The following PPP2R3A variants were observed in gnomAD, a reference collection of about 807,000 sequenced individuals.
PPP2R3A encodes serine/threonine-protein phosphatase 2A regulatory subunit B'' subunit alpha.
A neutral mutation model predicts 106.9 loss-of-function variants in PPP2R3A; 80 were observed. That is an observed-to-expected ratio of 0.75 (90% confidence interval 0.62 to 0.90). The LOEUF (loss-of-function observed/expected upper bound fraction) is 0.90, where lower values mean the gene tolerates loss of function less well. Among genes scored for constraint, PPP2R3A ranks in the 40% least tolerant of loss-of-function variants. The probability of loss-of-function intolerance (pLI) is 0.00; values close to 1 mark genes in which losing one functional copy is unlikely to be tolerated. For synonymous variants in PPP2R3A, 483 were observed against 468.3 expected (o/e 1.03, Z -0.41); for missense variants, 1,386 against 1,350.4 (o/e 1.03, Z -0.41).
intron 1 of PPP2R3A, among the ~76,000 whole-genome samples, chr3:135,969,568 A>G (rs1361280234): frequency 6.6e-6 from 1 of 152,222 alleles, no homozygotes; most frequent in African/African-American, 2.4e-5. Flanking sequence ...GCATTTGACA[A>G]TTCTAATTCA....
intron 1 of PPP2R3A, among the ~76,000 whole-genome samples, chr3:135,977,275 T>C (rs1937443064): frequency 6.6e-6 from 1 of 152,212 alleles, no homozygotes; most frequent in African/African-American, 2.4e-5. Context: ...TTCTAATTGA[T>C]GTGAAATTTT....
chr3:135,972,704 A>G (rs1409560763), intron 1 of PPP2R3A, among the ~76,000 whole-genome samples: 2 of 152,156 alleles, frequency 1.3e-5, no homozygotes, highest in Non-Finnish European at 2.9e-5. Context: ...TTCCCTAATG[A>G]CTACTGACGT....
chr3:135,983,741 A>C (rs1937569362), intron 1 of PPP2R3A, among the ~76,000 whole-genome samples: 1 of 152,136 alleles, frequency 6.6e-6, no homozygotes, highest in Non-Finnish European at 1.5e-5. Flanking sequence ...TTTTGTATGT[A>C]ATTCTATTTC....
intron 8 of PPP2R3A, chr3:136,087,638 G>T (rs1936988011): frequency 5.7e-6 from 2 of 349,906 alleles, no homozygotes; most frequent in African/African-American, 2.1e-5. Context: ...TAGCTGTCAG[G>T]ATGTTCAGAC....
chr3:136,114,875 C>G (rs932048098), intron 13 of PPP2R3A, among the ~76,000 whole-genome samples: 1 of 152,148 alleles, frequency 6.6e-6, no homozygotes. Context: ...CTTAAACATC[C>G]CTGCCTGATG....
chr3:136,002,229 A>G lies in PPP2R3A; in HGVS notation c.731A>G (p.Lys244Arg). The change falls in exon 2 of 14, where the codon AAA (lysine) becomes AGA (arginine). Residue 244 changes from lysine (K) to arginine (R), a missense_variant. Lys to Arg is a conservative substitution (Grantham distance 26, BLOSUM62 2). Transcript: ENST00000264977. ...TTATTGAAATGCTCCGAGGATTTAA[A>G]AAAATGCACAGACATCATAAAACAA... is the stretch of plus-strand genomic sequence containing the variant. ...DILLKCSEDLKKCTDIIKQCI... is the reference protein window; with the variant it reads ...DILLKCSEDLRKCTDIIKQCI... 6.2e-7 allele frequency: 1 copy of G among 1,613,760 alleles called. No individual in the cohort carries two copies. Among genetic ancestry groups the G allele is most frequent in the Non-Finnish European group, 8.5e-7 (1 of 1,179,902 alleles).
intron 5 of PPP2R3A, among the ~76,000 whole-genome samples, chr3:136,058,338 A>T (rs1935949535): frequency 6.6e-6 from 1 of 152,204 alleles, no homozygotes; most frequent in African/African-American, 2.4e-5. Flanking sequence ...ATACAAAATC[A>T]GTGTGTAGAA....
chr3:136,086,744 T>C (rs80002255), intron 8 of PPP2R3A, among the ~76,000 whole-genome samples: 2 of 152,198 alleles, frequency 1.3e-5, no homozygotes, highest in African/African-American at 4.8e-5. Context: ...GGCACGGCTG[T>C]TCCAATACAC....
Position 136,145,320 on chromosome 3 carries a change from G to C in PPP2R3A, c.*154G>C, listed in dbSNP as rs1939075735. On this transcript the variant is annotated 3_prime_UTR_variant, in exon 14 of 14. Transcript: ENST00000264977. ...ACTTTGTTTTTAAGCAATAGGTCTGGATACACATTTAACTTAGGAGGCTCC... is the reference window on the plus strand; with the variant it reads ...ACTTTGTTTTTAAGCAATAGGTCTGCATACACATTTAACTTAGGAGGCTCC... The C allele has an allele frequency of 1.0e-6, 1 of 968,252 alleles. No homozygotes were observed. The highest frequency in any genetic ancestry group is 1.7e-5 in the African/African-American group (1 of 59,134). 60.0% of individuals were successfully genotyped at this position (968,252 alleles called of 1,614,324 possible).
At chr3:136,111,225 G>A (rs1937586597) in intron 13 of PPP2R3A, among the ~76,000 whole-genome samples, 1 of 152,044 alleles carries the variant, frequency 6.6e-6, no homozygotes, top group African/African-American at 2.4e-5. Context: ...ATATAAGAGA[G>A]AAAAAGGAAT....
At chr3:136,005,680 T>C (rs1465865031) in intron 2 of PPP2R3A, among the ~76,000 whole-genome samples, 1 of 152,164 alleles carries the variant, frequency 6.6e-6, no homozygotes, top group Non-Finnish European at 1.5e-5. Flanking sequence ...ACTGATGTGC[T>C]TAATAGTTTA....
At position 136,078,444 on chromosome 3, in the gene PPP2R3A, CT is replaced by C; in HGVS notation, c.2627del (p.Leu876CysfsTer4). On this transcript the variant is annotated frameshift_variant, in exon 7 of 14. Coordinates refer to ENST00000264977, the MANE Select transcript of PPP2R3A (RefSeq NM_002718.5). LOFTEE classifies it high-confidence loss of function. ...CTTCGACAGAGATAAGAAAAAGCAA[CT>C]TTTTGCAAGTATGCCTTTCATTAGA... ...ITSTEIRKSN[F>X]LQTLALLEEE... 6.3e-7 allele frequency: 1 copy of C among 1,592,994 alleles called. No individual in the cohort carries two copies. The highest frequency in any genetic ancestry group is 8.6e-7 in the Non-Finnish European group (1 of 1,162,010).
chr3:136,146,884 CT>C lies in PPP2R3A; in HGVS notation c.*1722del, dbSNP rs1171629617. 6 of 150,604 alleles carry C rather than the reference CT, an allele frequency of 4.0e-5. No individual in the cohort carries two copies. The highest frequency in any genetic ancestry group is 1.5e-4 in the African/African-American group (6 of 40,976). The allele number at this position is 150,604 out of a possible 1,614,324, so 9.3% of individuals were successfully genotyped here. A position where few individuals can be genotyped will look rare whatever the true frequency, so the allele number is the denominator to read the frequency against. ...TAGAAATACAAAAAAAAAAAAAATA[CT>C]TTTCTTAGAAGCCAGATATGGTTTA... is the stretch of plus-strand genomic sequence containing the variant. On this transcript the variant is annotated 3_prime_UTR_variant, in exon 14 of 14. Coordinates refer to ENST00000264977, the MANE Select transcript of PPP2R3A (RefSeq NM_002718.5).
chr3:136,021,117 T>C (rs1196494356), intron 2 of PPP2R3A, among the ~76,000 whole-genome samples: 1 of 152,034 alleles, frequency 6.6e-6, no homozygotes. Flanking sequence ...AGAATAAGCA[T>C]TAAATTGTAA....
At chr3:136,069,893 A>G (rs1160537623) in intron 5 of PPP2R3A, among the ~76,000 whole-genome samples, 1 of 152,262 alleles carries the variant, frequency 6.6e-6, no homozygotes, top group Non-Finnish European at 1.5e-5. Flanking sequence ...GTCTTCAATG[A>G]GAACAAGATT....
rs1252827238 is a variant in PPP2R3A at position 136,070,494 on chromosome 3, A to C, written c.2486A>C (p.His829Pro). Residue 829 changes from histidine to proline, a missense_variant, in exon 6 of 14, where the codon CAC becomes CCC. Transcript: ENST00000264977. ...CTTTTTCAGGATGTGGTGGATACCCACCCTGGTCTCACGTTCCTGAAAGAT... is the reference window on the plus strand; with the variant it reads ...CTTTTTCAGGATGTGGTGGATACCCCCCCTGGTCTCACGTTCCTGAAAGAT... ...IPLLQDVVDTHPGLTFLKDAP... is the reference protein window; with the variant it reads ...IPLLQDVVDTPPGLTFLKDAP... The C allele has an allele frequency of 5.6e-6, 9 of 1,608,378 alleles. No individual in the cohort carries two copies. Among genetic ancestry groups the C allele is most frequent in the African/African-American group, 1.3e-5 (1 of 74,608 alleles).
intron 6 of PPP2R3A, among the ~76,000 whole-genome samples, chr3:136,073,486 T>G (rs897042607): frequency 2.6e-5 from 4 of 152,254 alleles, no homozygotes; most frequent in Admixed American, 1.3e-4. Context: ...GTTATTAACA[T>G]TGTGCTGCTT....
intron 5 of PPP2R3A, among the ~76,000 whole-genome samples, chr3:136,060,560 T>A (rs534390003): frequency 6.6e-6 from 1 of 152,224 alleles, no homozygotes; most frequent in Admixed American, 6.5e-5. Flanking sequence ...TCTCTGTCTC[T>A]CCCCTGCTTG....
In PPP2R3A at chr3:135,973,886, T is replaced by A. The variant is rs538412481; in HGVS notation, c.-441+8037T>A. Among the ~76,000 whole-genome samples, 8 of 152,280 alleles carry A rather than the reference T, an allele frequency of 5.3e-5. No individual in the cohort carries two copies. The South Asian group carries it at 1.2e-3, about 24-fold the overall frequency. On this transcript the variant is annotated intron_variant, in intron 1 of 13. Coordinates refer to ENST00000264977, the MANE Select transcript of PPP2R3A (RefSeq NM_002718.5). ...CTTGACTTTGCATTCCCCTCTCAATTTGTTTTCTACAGTTATCTAACTCAC... is the reference window on the plus strand; with the variant it reads ...CTTGACTTTGCATTCCCCTCTCAATATGTTTTCTACAGTTATCTAACTCAC...
Sources: allele counts gnomAD v4.1 joint callset (sites outside exome capture counted in the v4.1 genomes callset), GRCh38; gene constraint gnomAD v4.1.1; transcripts MANE v1.5; gene names NCBI Gene and HGNC (gene_info 2026-07-23, HGNC 2026-07-21).